The following UBE2D2 variants were observed in gnomAD, a reference collection of about 807,000 sequenced individuals.
The protein encoded by UBE2D2 is ubiquitin conjugating enzyme E2 D2.
A neutral mutation model predicts 24.2 loss-of-function variants in UBE2D2; 2 were observed. The ratio of observed to expected loss-of-function variants is 0.08; its 90% CI spans 0.03 to 0.26. The LOEUF is 0.26. Among genes scored for constraint, UBE2D2 ranks in the 10% least tolerant of loss-of-function variants. The pLI, the probability that UBE2D2 is intolerant of heterozygous loss-of-function variation, is 1.00. For synonymous variants in UBE2D2, 58 were observed against 56.5 expected (o/e 1.03, Z -0.12); for missense variants, 44 against 177.6 (o/e 0.25, Z 4.28).
At chr5:139,619,993 C>A (rs1237964610) in intron 5 of UBE2D2, among the ~76,000 whole-genome samples, 1 of 152,208 alleles carries the variant, frequency 6.6e-6, no homozygotes, top group African/African-American at 2.4e-5. Context: ...ACCTGTCTCA[C>A]ATGGCAGTAG....
At chr5:139,555,311 G>A (rs1752966668) in intron 1 of UBE2D2, among the ~76,000 whole-genome samples, 1 of 152,106 alleles carries the variant, frequency 6.6e-6, no homozygotes, top group Non-Finnish European at 1.5e-5. Context: ...AAAGTGTTGG[G>A]ATTAAAGGTG....
chr5:139,623,478 G>A lies in UBE2D2; in HGVS notation c.398+17G>A. ...TAGAGAAAAGTAAGTATGGCCTCAA[G>A]ATGGAAAGTTATCTGTGGTGGGATG... On this transcript the variant is annotated intron_variant, in intron 6 of 6. Transcript: ENST00000398733. 1.3e-6 allele frequency: 2 copies of A among 1,584,502 alleles called. No individual in the cohort carries two copies. Among genetic ancestry groups the A allele is most frequent in the Non-Finnish European group, 1.7e-6 (2 of 1,156,002 alleles).
chr5:139,573,751 C>T lies in UBE2D2; in HGVS notation c.24+11936C>T, dbSNP rs539466808. On this transcript the variant is annotated intron_variant, in intron 1 of 6. Coordinates refer to ENST00000398733, the MANE Select transcript of UBE2D2 (RefSeq NM_003339.3). ...TTGGGAGGCTGAGGCGGGCGAATCA[C>T]GAGGTCAAGAGATCGAGACCATCCT... Among the ~76,000 whole-genome samples, 339 of 152,056 alleles carry T rather than the reference C, an allele frequency of 2.2e-3. 2 individuals are homozygous for T. Among genetic ancestry groups the T allele is most frequent in the African/African-American group, 7.5e-3 (313 of 41,486 alleles).
At chr5:139,542,452 C>G (rs1015721009) in intron 1 of UBE2D2, among the ~76,000 whole-genome samples, 4 of 151,982 alleles carry the variant, frequency 2.6e-5, no homozygotes, top group Non-Finnish European at 4.4e-5. Flanking sequence ...TCACTGCAAC[C>G]CCGCCTCCTG....
At chr5:139,568,365 A>G (rs1403775697) in intron 1 of UBE2D2, among the ~76,000 whole-genome samples, 1 of 151,952 alleles carries the variant, frequency 6.6e-6, no homozygotes, top group Non-Finnish European at 1.5e-5. Flanking sequence ...TTGCTTAAAA[A>G]TACTGTAGGC....
chr5:139,595,989 G>A (rs1194238131), intron 1 of UBE2D2, among the ~76,000 whole-genome samples: 1 of 142,812 alleles, frequency 7.0e-6, no homozygotes, highest in African/African-American at 2.6e-5. Context: ...CGCCTCCCTC[G>A]TTCAGGCAAT....
chr5:139,594,363 C>T (rs1753915311), intron 1 of UBE2D2, among the ~76,000 whole-genome samples: 1 of 152,056 alleles, frequency 6.6e-6, no homozygotes. Context: ...ATGTCTTAGG[C>T]TTTCAAAGTT....
intron 5 of UBE2D2, 48 bp downstream of exon 5, chr5:139,615,014 C>A (rs753637037): frequency 4.7e-6 from 7 of 1,487,086 alleles, no homozygotes; most frequent in Non-Finnish European, 6.4e-6. Context: ...TGTCTTTTGT[C>A]TTTTTAGAGT....
chr5:139,606,042 T>C (rs1005356732), intron 2 of UBE2D2, among the ~76,000 whole-genome samples: 2 of 152,134 alleles, frequency 1.3e-5, no homozygotes, highest in African/African-American at 4.8e-5. Context: ...CGCACCCAGC[T>C]TTCTTTTCTT....
At chr5:139,580,237 GTATTTT>G (rs1753566575) in intron 1 of UBE2D2, among the ~76,000 whole-genome samples, 1 of 151,712 alleles carries the variant, frequency 6.6e-6, no homozygotes, top group Admixed American at 6.6e-5. Flanking sequence ...CTAATTTTTT[GTATTTT>G]TATTAGAGGT....
At chr5:139,572,944 T>C (rs2126656949) in intron 1 of UBE2D2, among the ~76,000 whole-genome samples, 1 of 152,166 alleles carries the variant, frequency 6.6e-6, no homozygotes, top group Non-Finnish European at 1.5e-5. Flanking sequence ...ATGCCCCACC[T>C]GATCTCAGAT....
At chr5:139,559,320 G>A (rs1277664368), upstream of UBE2D2, among the ~76,000 whole-genome samples, 1 of 151,828 alleles carries the variant, frequency 6.6e-6, no homozygotes, top group Non-Finnish European at 1.5e-5. Flanking sequence ...CCAGCTACTC[G>A]GGAGGCTGAG....
intron 1 of UBE2D2, among the ~76,000 whole-genome samples, chr5:139,562,932 T>C (rs1278989908): frequency 6.6e-6 from 1 of 152,226 alleles, no homozygotes; most frequent in Non-Finnish European, 1.5e-5. Context: ...AGCTACTTTT[T>C]TCTTCAATAC....
intron 1 of UBE2D2, among the ~76,000 whole-genome samples, chr5:139,549,836 T>G (rs965725530): frequency 1.3e-5 from 2 of 152,356 alleles, no homozygotes; most frequent in East Asian, 3.9e-4. Flanking sequence ...AGAACTTTTA[T>G]GTCTAGCTGG....
intron 1 of UBE2D2, among the ~76,000 whole-genome samples, chr5:139,572,224 C>T (rs1467291884): frequency 6.6e-6 from 1 of 152,172 alleles, no homozygotes; most frequent in East Asian, 1.9e-4. Flanking sequence ...TGTTTCCCAA[C>T]TTTATTAGAA....
rs200044506 is a variant in UBE2D2, at chr5:139,600,800, CTTTA to C, written c.88+373_88+376del. ...CTGACTCATACTTGCGAAATCAGGT[CTTTA>C]TTTATTTTTTTCTTGAGACAGGGTC... On this transcript the variant is annotated intron_variant, in intron 2 of 6. Coordinates refer to ENST00000398733, the MANE Select transcript of UBE2D2 (RefSeq NM_003339.3). 5.8e-3 allele frequency among the ~76,000 whole-genome samples: 889 copies of C among 152,100 alleles called. 13 individuals are homozygous for C. The highest frequency in any genetic ancestry group is 0.018 in the African/African-American group (756 of 41,506).
At chr5:139,615,002 C>T (rs752314320) in intron 5 of UBE2D2, 36 bp downstream of exon 5, 10 of 1,538,718 alleles carry the variant, frequency 6.5e-6, no homozygotes, top group Middle Eastern at 1.7e-4. Context: ...ATAAAGCAAC[C>T]GTGTCTTTTG....
At chr5:139,562,844 T>G (rs2126647380) in intron 1 of UBE2D2, among the ~76,000 whole-genome samples, 1 of 152,336 alleles carries the variant, frequency 6.6e-6, no homozygotes, top group East Asian at 1.9e-4. Context: ...GTTTTTTTTC[T>G]TAGAAGTAGG....
intron 5 of UBE2D2, among the ~76,000 whole-genome samples, chr5:139,620,948 G>A (rs1754502472): frequency 1.3e-5 from 2 of 152,206 alleles, no homozygotes; most frequent in Non-Finnish European, 2.9e-5. Flanking sequence ...GAATGCATAA[G>A]TTAATGATAG....
Sources: allele counts gnomAD v4.1 joint callset (sites outside exome capture counted in the v4.1 genomes callset), GRCh38; gene constraint gnomAD v4.1.1; transcripts MANE v1.5; gene names NCBI Gene and HGNC (gene_info 2026-07-23, HGNC 2026-07-21).